The following SGCZ variants were observed in gnomAD, a reference collection of about 807,000 sequenced individuals.
SGCZ encodes the protein zeta-sarcoglycan.
SGCZ carries 40 observed loss-of-function variants against 41.3 expected under a neutral mutation model. The observed-to-expected ratio is 0.97, with a 90% confidence interval of 0.75 to 1.26. SGCZ has a LOEUF of 1.26. SGCZ is among the 50% of genes most tolerant of loss of function. The pLI is 0.00. For synonymous variants in SGCZ, 206 were observed against 137.5 expected, an observed-to-expected ratio of 1.50 and a Z score of -3.49; for missense variants, 552 against 369.8, an observed-to-expected ratio of 1.49 and a Z score of -4.04.
intron 1 of SGCZ, among the ~76,000 whole-genome samples, chr8:14,603,634 G>A (rs1805660098): frequency 6.6e-6 from 1 of 152,022 alleles, no homozygotes; most frequent in East Asian, 1.9e-4. Flanking sequence ...TATATGGTGA[G>A]ATAGAAAGAC....
chr8:14,483,040 CCT>C (rs1801577388), intron 2 of SGCZ, among the ~76,000 whole-genome samples: 1 of 151,968 alleles, frequency 6.6e-6, no homozygotes, highest in Admixed American at 6.6e-5. Context: ...TCTAGATTGC[CCT>C]GACATACAAC....
intron 3 of SGCZ, among the ~76,000 whole-genome samples, chr8:14,301,853 G>A (rs943045790): frequency 1.5e-4 from 23 of 151,972 alleles, no homozygotes; most frequent in African/African-American, 5.5e-4. Context: ...TTAGAAAATG[G>A]GGATTTTTAA....
intron 1 of SGCZ, among the ~76,000 whole-genome samples, chr8:15,141,224 C>A (rs542325922): frequency 6.6e-6 from 1 of 152,298 alleles, no homozygotes; most frequent in South Asian, 2.1e-4. Flanking sequence ...CCCACACAAC[C>A]CACATAATAC....
intron 1 of SGCZ, among the ~76,000 whole-genome samples, chr8:14,682,686 G>A (rs572283668): frequency 3.3e-5 from 5 of 152,102 alleles, no homozygotes; most frequent in East Asian, 1.9e-4. Context: ...GGCCCGCCTC[G>A]GCCTCCCAAA....
At chr8:14,968,912 T>C (rs943698963) in intron 1 of SGCZ, among the ~76,000 whole-genome samples, 8 of 152,120 alleles carry the variant, frequency 5.3e-5, no homozygotes, top group African/African-American at 1.9e-4. Flanking sequence ...CTTTTTTTTC[T>C]CACAAATGAT....
chr8:14,527,620 G>A (rs1802993999), intron 2 of SGCZ, among the ~76,000 whole-genome samples: 1 of 152,040 alleles, frequency 6.6e-6, no homozygotes, highest in Non-Finnish European at 1.5e-5. Flanking sequence ...GGCAGTGGTA[G>A]CCACAAGGTA....
At chr8:14,675,674 G>A (rs547979971) in intron 1 of SGCZ, among the ~76,000 whole-genome samples, 122 of 152,142 alleles carry the variant, frequency 8.0e-4, no homozygotes, top group Non-Finnish European at 1.0e-4. Flanking sequence ...AGAAAGAGAG[G>A]GACAGAAACA....
At chr8:14,375,098 T>A (rs1212583946) in intron 2 of SGCZ, among the ~76,000 whole-genome samples, 1 of 147,894 alleles carries the variant, frequency 6.8e-6, no homozygotes, top group African/African-American at 2.5e-5. Context: ...AGGGGGACAA[T>A]CAGATAGATA....
intron 1 of SGCZ, among the ~76,000 whole-genome samples, chr8:14,886,601 G>A (rs1017174940): frequency 1.3e-5 from 2 of 152,044 alleles, no homozygotes; most frequent in African/African-American, 4.8e-5. Flanking sequence ...AGTGTCCCTG[G>A]CATGTTCCAG....
rs1799573395 is a variant in SGCZ, at chr8:14,419,138, AT to A, written c.235-94935del. ...GAAAAGTATAATAAAAATATTTAATATATTACCAAACTCATAAAATATAAAG... is the reference window on the plus strand; with the variant it reads ...GAAAAGTATAATAAAAATATTTAATAATTACCAAACTCATAAAATATAAAG... On this transcript the variant is annotated intron_variant, in intron 2 of 7. Transcript: ENST00000382080. Among the ~76,000 whole-genome samples the A allele has an allele frequency of 2.0e-5, 3 of 152,032 alleles. No homozygotes were observed. In the South Asian group the frequency reaches 6.2e-4, roughly 31 times the overall value.
At chr8:14,518,048 T>A (rs114014037) in intron 2 of SGCZ, among the ~76,000 whole-genome samples, 3,889 of 151,942 alleles carry the variant, frequency 0.026, 152 homozygotes, top group African/African-American at 0.085. Context: ...GAGAAAATAG[T>A]TTTTTAAGCA....
chr8:14,132,631 G>A (rs1352406049), intron 5 of SGCZ, among the ~76,000 whole-genome samples: 2 of 151,726 alleles, frequency 1.3e-5, no homozygotes, highest in Non-Finnish European at 2.9e-5. Context: ...ATTTTAAATC[G>A]CTATTTTAAA....
At chr8:14,191,150 T>C (rs181358215) in intron 4 of SGCZ, among the ~76,000 whole-genome samples, 2 of 152,324 alleles carry the variant, frequency 1.3e-5, no homozygotes, top group South Asian at 2.1e-4. Flanking sequence ...TTTGGAAAGA[T>C]GTCTGTTAAG....
intron 1 of SGCZ, among the ~76,000 whole-genome samples, chr8:14,709,557 G>T (rs973321392): frequency 2.6e-5 from 4 of 152,056 alleles, no homozygotes; most frequent in African/African-American, 9.7e-5. Flanking sequence ...TAATTCGCTT[G>T]TTACGGCATA....
chr8:14,976,555 A>G (rs1306998306), intron 1 of SGCZ, among the ~76,000 whole-genome samples: 1 of 152,090 alleles, frequency 6.6e-6, no homozygotes, highest in African/African-American at 2.4e-5. Context: ...TGACCCTTAC[A>G]CCCTGTCTAT....
intron 2 of SGCZ, among the ~76,000 whole-genome samples, chr8:14,549,775 A>T (rs1451173512): frequency 6.6e-6 from 1 of 152,112 alleles, no homozygotes; most frequent in African/African-American, 2.4e-5. Context: ...AAATAAAAGA[A>T]TAAATCTGCC....
At chr8:14,173,329 A>G (rs1804446354) in intron 4 of SGCZ, among the ~76,000 whole-genome samples, 1 of 152,106 alleles carries the variant, frequency 6.6e-6, no homozygotes, top group Non-Finnish European at 1.5e-5. Flanking sequence ...AAGTTATTAT[A>G]AACATGTTCA....
intron 1 of SGCZ, among the ~76,000 whole-genome samples, chr8:14,739,171 A>G (rs1349062901): frequency 6.6e-6 from 1 of 152,028 alleles, no homozygotes; most frequent in Non-Finnish European, 1.5e-5. Flanking sequence ...AAGAGGCTCT[A>G]ATTTTTAAAT....
intron 1 of SGCZ, among the ~76,000 whole-genome samples, chr8:14,580,033 C>CT (rs1261032312): frequency 6.6e-6 from 1 of 152,156 alleles, no homozygotes; most frequent in Non-Finnish European, 1.5e-5. Flanking sequence ...GCCTGTTTGG[C>CT]TGAAGGTTCA....
Sources: gnomAD v4.1 joint callset for allele counts (sites outside exome capture counted in the v4.1 genomes callset) on GRCh38, gnomAD v4.1.1 for gene constraint, MANE v1.5 for transcripts, NCBI Gene and HGNC (gene_info 2026-07-23, HGNC 2026-07-21) for gene names.